Variants in XRCC6 observed in about 807,000 individuals in gnomAD.
XRCC6 encodes DNA repair protein Ku70.
Under a neutral mutation model 65.7 loss-of-function variants are expected in XRCC6, and 5 were observed. That is an observed-to-expected ratio of 0.08 (90% CI 0.04 to 0.16). The LOEUF (loss-of-function observed/expected upper bound fraction) is 0.16. XRCC6 is among the 10% of genes least tolerant of loss of function. The pLI is 1.00. For missense variants in XRCC6, 447 were observed against 738.1 expected (o/e 0.61, Z 4.57); for synonymous variants, 270 against 270.6 (o/e 1.00, Z 0.02).
At chr22:41,649,741 G>A (rs909383324) in intron 7 of XRCC6, among the ~76,000 whole-genome samples, 1 of 151,926 alleles carries the variant, frequency 6.6e-6, no homozygotes, top group Admixed American at 6.6e-5. Context: ...TATAGTCCCA[G>A]CTACTCGTGG....
chr22:41,640,856 T>C (rs1226212642), intron 6 of XRCC6, among the ~76,000 whole-genome samples: 2 of 152,224 alleles, frequency 1.3e-5, no homozygotes, highest in Non-Finnish European at 2.9e-5. Flanking sequence ...TGGGTAAATG[T>C]AGGCCTTGTT....
At chr22:41,643,408 CAAAAACAAAA>C (rs1318797168) in intron 6 of XRCC6, among the ~76,000 whole-genome samples, 1 of 151,844 alleles carries the variant, frequency 6.6e-6, no homozygotes, top group African/African-American at 2.4e-5. Flanking sequence ...GACTCCATCT[CAAAAACAAAA>C]GAAAACAAAA....
intron 2 of XRCC6, among the ~76,000 whole-genome samples, chr22:41,626,861 C>T (rs1009756511): frequency 9.2e-5 from 14 of 151,944 alleles, no homozygotes; most frequent in African/African-American, 2.9e-4. Context: ...AGGATGGTCT[C>T]GACCTCCTGA....
At chr22:41,649,139 A>AAAAAATAT in intron 7 of XRCC6, among the ~76,000 whole-genome samples, 14 of 88,718 alleles carry the variant, frequency 1.6e-4, no homozygotes, top group Non-Finnish European at 2.5e-4. Flanking sequence ...AAAAAAAAAA[A>AAAAAATAT]ATATATATAT....
chr22:41,658,115 C>A, intron 10 of XRCC6, 137 bp from the exon 11 acceptor site: 1 of 765,224 alleles, frequency 1.3e-6, no homozygotes, highest in Non-Finnish European at 2.1e-6. Context: ...TGGGCTACTG[C>A]ACCTGACCTC....
intron 9 of XRCC6, among the ~76,000 whole-genome samples, chr22:41,655,133 G>A (rs2068033044): frequency 1.3e-5 from 2 of 151,962 alleles, no homozygotes; most frequent in Admixed American, 6.6e-5. Flanking sequence ...ATTTAATAAC[G>A]GCCCCAAAGC....
chr22:41,651,394 T>TGGGGG (rs2067994400), intron 8 of XRCC6, among the ~76,000 whole-genome samples: 1 of 59,948 alleles, frequency 1.7e-5, no homozygotes, highest in Admixed American at 1.5e-4. Context: ...TTTTTTTTTT[T>TGGGGG]TTTTTTTTTT....
At position 41,661,255 on chromosome 22, in the gene XRCC6, C is replaced by G; in HGVS notation, c.1523-76C>G. On this transcript the variant is annotated intron_variant, in intron 11 of 12. Transcript: ENST00000360079. ...GTTAGGTGCTCTCTCTTCTGGTTCT[C>G]AGAGAGTTCTGGAAGTGGACAGCAA... is the stretch of plus-strand genomic sequence containing the variant. 2.3e-6 allele frequency: 3 copies of G among 1,291,844 alleles called. No individual in the cohort carries two copies. In the Admixed American group the frequency reaches 6.0e-5, roughly 26 times the overall value. The allele number at this position is 1,291,844 out of a possible 1,614,324, so 80.0% of individuals were successfully genotyped here. A position where few individuals can be genotyped will look rare whatever the true frequency, so the allele number is the denominator to read the frequency against.
In XRCC6 at chr22:41,637,669, C is replaced by T. The variant is rs137875074; in HGVS notation, c.651C>T (p.Tyr217=). 15 of 1,612,244 alleles carry T rather than the reference C, an allele frequency of 9.3e-6. No individual in the cohort carries two copies. The highest frequency in any genetic ancestry group is 1.7e-4 in the Middle Eastern group (1 of 5,842). The change falls in exon 6 of 13, where the codon TAC becomes TAT. Residue 217 remains tyrosine (Y), a synonymous_variant. Transcript: ENST00000360079. Reference sequence around the variant, plus strand: ...GGGGCTTTGACATATCCTTGTTCTACAGAGATATCATCAGCATAGCAGAGG... The same window carrying T: ...GGGGCTTTGACATATCCTTGTTCTATAGAGATATCATCAGCATAGCAGAGG... ...KPGGFDISLF[Y]RDIISIAEDE...
rs1569075619 is a variant in XRCC6, at chr22:41,622,155, G to A, written c.82+69G>A. The stretch of plus-strand genomic sequence containing the variant: ...AGACCTTCCCTGCCTATCTCTGCTG[G>A]ATGGACTTTGCTGTTTGATGGCCTG... On this transcript the variant is annotated intron_variant, in intron 2 of 12. Coordinates refer to ENST00000360079, the MANE Select transcript of XRCC6 (RefSeq NM_001469.5). The A allele has an allele frequency of 3.3e-6, 5 of 1,534,118 alleles. No individual in the cohort carries two copies. The East Asian group carries it at 9.0e-5, about 28-fold the overall frequency.
At chr22:41,646,155 T>C (rs1345893442) in intron 6 of XRCC6, among the ~76,000 whole-genome samples, 1 of 151,806 alleles carries the variant, frequency 6.6e-6, no homozygotes, top group African/African-American at 2.4e-5. Flanking sequence ...AAAAAGAAAT[T>C]AGCTGGGTGT....
intron 3 of XRCC6, among the ~76,000 whole-genome samples, chr22:41,629,565 C>G (rs2067716776): frequency 6.6e-6 from 1 of 152,148 alleles, no homozygotes; most frequent in Admixed American, 6.5e-5. Context: ...AGCAACTGCT[C>G]AATGGGTATG....
At chr22:41,642,364 T>C (rs2067888109) in intron 6 of XRCC6, among the ~76,000 whole-genome samples, 1 of 152,200 alleles carries the variant, frequency 6.6e-6, no homozygotes, top group Non-Finnish European at 1.5e-5. Context: ...TATATTCTGG[T>C]TCTTAATCCC....
At chr22:41,631,243 A>G (rs556414284) in intron 3 of XRCC6, among the ~76,000 whole-genome samples, 2 of 148,980 alleles carry the variant, frequency 1.3e-5, no homozygotes, top group Non-Finnish European at 3.0e-5. Context: ...CACCTCCCGG[A>G]TGGGGCGGCT....
chr22:41,657,745 C>G (rs928328920), intron 10 of XRCC6, among the ~76,000 whole-genome samples: 2 of 151,502 alleles, frequency 1.3e-5, no homozygotes, highest in Admixed American at 6.6e-5. Flanking sequence ...GTCTGGAACT[C>G]CTGAGCTCAA....
chr22:41,661,859 C>G (rs116414338), intron 12 of XRCC6, among the ~76,000 whole-genome samples: 2,914 of 152,240 alleles, frequency 0.019, 94 homozygotes, highest in African/African-American at 0.066. Flanking sequence ...TCAACAGATG[C>G]CTGGTAAAGA....
At chr22:41,645,159 G>T (rs1234246982) in intron 6 of XRCC6, among the ~76,000 whole-genome samples, 1 of 151,852 alleles carries the variant, frequency 6.6e-6, no homozygotes, top group African/African-American at 2.4e-5. Flanking sequence ...AAATTAGCCT[G>T]GTGTGGTGGT....
intron 2 of XRCC6, among the ~76,000 whole-genome samples, chr22:41,624,043 C>A (rs2067641460): frequency 6.6e-6 from 1 of 151,116 alleles, no homozygotes; most frequent in Non-Finnish European, 1.5e-5. Context: ...TTTAAATATA[C>A]CATAATTTGG....
intron 3 of XRCC6, among the ~76,000 whole-genome samples, chr22:41,634,068 C>T (rs28384717): frequency 0.017 from 2,624 of 152,226 alleles, 75 homozygotes; most frequent in African/African-American, 0.059. Flanking sequence ...AGCTATAGTA[C>T]ATGTTCTGCA....
Sources: allele counts gnomAD v4.1 joint callset (sites outside exome capture counted in the v4.1 genomes callset), GRCh38; gene constraint gnomAD v4.1.1; transcripts MANE v1.5; gene names NCBI Gene and HGNC (gene_info 2026-07-23, HGNC 2026-07-21).